ASAP3: variants seen among roughly 807,000 people sequenced by gnomAD.
ASAP3 encodes ArfGAP with SH3 domain, ankyrin repeat and PH domain 3.
Under a neutral mutation model 118.2 loss-of-function variants are expected in ASAP3, and 85 were observed. That is an observed-to-expected ratio of 0.72 (90% CI 0.60 to 0.86). The LOEUF (loss-of-function observed/expected upper bound fraction) is 0.86, where lower values mean the gene tolerates loss of function less well. ASAP3 is among the 40% of genes least tolerant of loss of function. ASAP3 has a pLI of 0.00. For synonymous variants in ASAP3, 432 were observed against 477.4 expected (o/e 0.90, Z 1.24); for missense variants, 1,026 against 1,175.0 (o/e 0.87, Z 1.85).
intron 1 of ASAP3, among the ~76,000 whole-genome samples, chr1:23,464,549 A>G (rs1015415727): frequency 2.7e-5 from 4 of 148,796 alleles, no homozygotes; most frequent in Non-Finnish European, 4.5e-5. Context: ...AGTCCCAGCT[A>G]TTTGGGAGGC....
intron 1 of ASAP3, among the ~76,000 whole-genome samples, chr1:23,456,640 A>C (rs960741788): frequency 2.0e-5 from 3 of 152,232 alleles, no homozygotes; most frequent in African/African-American, 7.2e-5. Context: ...ATTTGTAAAT[A>C]TGTACAAAAT....
intron 1 of ASAP3, among the ~76,000 whole-genome samples, chr1:23,473,873 C>T (rs528793491): frequency 6.6e-6 from 1 of 152,074 alleles, no homozygotes; most frequent in East Asian, 1.9e-4. Context: ...GCCCTAGCCA[C>T]ACCCTATGTC....
intron 17 of ASAP3, among the ~76,000 whole-genome samples, chr1:23,435,479 T>C (rs1640604292): frequency 6.6e-6 from 1 of 152,252 alleles, no homozygotes; most frequent in Admixed American, 6.5e-5. Context: ...CATGCCCTTA[T>C]ATTTCAGGGC....
intron 5 of ASAP3, among the ~76,000 whole-genome samples, chr1:23,449,645 T>C (rs1641154436): frequency 1.3e-5 from 2 of 152,202 alleles, no homozygotes; most frequent in South Asian, 4.1e-4. Flanking sequence ...GCTCAAACTA[T>C]GTGGCTCCAT....
intron 17 of ASAP3, among the ~76,000 whole-genome samples, chr1:23,435,368 G>A (rs577993836): frequency 6.6e-6 from 1 of 152,300 alleles, no homozygotes; most frequent in Non-Finnish European, 1.5e-5. Flanking sequence ...AGCAACTCCT[G>A]TTGATTTACT....
At chr1:23,430,769 CCAGGA>C (rs1302881800) in intron 24 of ASAP3, among the ~76,000 whole-genome samples, 8 of 152,124 alleles carry the variant, frequency 5.3e-5, no homozygotes, top group Non-Finnish European at 7.4e-5. Flanking sequence ...AAGAGGAGCA[CCAGGA>C]CAGGGACTGG....
Position 23,464,012 on chromosome 1 carries a change from A to G in ASAP3, c.130-7818T>C, listed in dbSNP as rs1641680061. ...GGTTTGTTTTCTGCCTCTGTGTGAG[A>G]TCAGCCCTCGTTTCCCATGAAACTG... On this transcript the variant is annotated intron_variant, in intron 1 of 24. Coordinates refer to ENST00000336689, the MANE Select transcript of ASAP3 (RefSeq NM_017707.4). Among the ~76,000 whole-genome samples, 4 of 152,070 alleles carry G rather than the reference A, an allele frequency of 2.6e-5. No individual in the cohort carries two copies. The South Asian group carries it at 8.3e-4, about 32-fold the overall frequency.
intron 1 of ASAP3, among the ~76,000 whole-genome samples, chr1:23,474,297 A>C (rs1570411153): frequency 6.6e-6 from 1 of 152,054 alleles, no homozygotes; most frequent in South Asian, 2.1e-4. Flanking sequence ...CGTGTTGCCA[A>C]AGCCAGAGGC....
intron 17 of ASAP3, among the ~76,000 whole-genome samples, chr1:23,435,219 G>A (rs1349909677): frequency 1.3e-5 from 2 of 152,094 alleles, no homozygotes; most frequent in Admixed American, 6.6e-5. Flanking sequence ...GTAGAGATGG[G>A]GGTTTCCTTA....
chr1:23,434,801 T>C (rs573766398), intron 17 of ASAP3, among the ~76,000 whole-genome samples, 183 bp from the exon 18 acceptor site: 2 of 152,230 alleles, frequency 1.3e-5, no homozygotes, highest in East Asian at 1.9e-4. Context: ...CATTCTCCCA[T>C]TGTTCCCATT....
rs751431631 is a variant in ASAP3, at chr1:23,433,439, C to T, written c.2113G>A (p.Asp705Asn). The change falls in exon 21 of 25, where the codon GAT becomes AAT. Residue 705 changes from aspartate (D) to asparagine (N), a missense_variant. Asp to Asn is a conservative substitution (Grantham distance 23). Transcript: ENST00000336689. ...CTGGGACCCACCTTCTCTTCCTCAT[C>T]CTCCTCACTGTCAGAGCCAGGCTCT... is the stretch of plus-strand genomic sequence containing the variant. ...STEPGSDSEE[D>N]EEEKRCLLKL... 5.6e-6 allele frequency: 9 copies of T among 1,614,186 alleles called. No homozygotes were observed. Among genetic ancestry groups the T allele is most frequent in the Non-Finnish European group, 7.6e-6 (9 of 1,180,036 alleles).
chr1:23,452,174 C>A (rs1641236816), intron 4 of ASAP3, among the ~76,000 whole-genome samples: 1 of 152,164 alleles, frequency 6.6e-6, no homozygotes, highest in African/African-American at 2.4e-5. Flanking sequence ...CGCTGGCAGC[C>A]TAGGGCAGGG....
chr1:23,442,930 A>G (rs1035726804), intron 5 of ASAP3, among the ~76,000 whole-genome samples: 11 of 152,210 alleles, frequency 7.2e-5, no homozygotes, highest in African/African-American at 2.7e-4. Flanking sequence ...CTGCTGGGCA[A>G]GAGGGATGGA....
chr1:23,455,149 C>T (rs4649090), intron 3 of ASAP3, among the ~76,000 whole-genome samples: 80,951 of 152,100 alleles, frequency 0.53, 25,273 homozygotes, highest in Non-Finnish European at 0.68. Context: ...CGTGTGACCT[C>T]GGGCAAGCTG....
chr1:23,448,624 G>A (rs1305295073), intron 5 of ASAP3, among the ~76,000 whole-genome samples: 1 of 151,318 alleles, frequency 6.6e-6, no homozygotes, highest in Non-Finnish European at 1.5e-5. Context: ...TATTATATAT[G>A]TATTATTATT....
intron 1 of ASAP3, among the ~76,000 whole-genome samples, chr1:23,464,347 C>T (rs550503878): frequency 2.0e-5 from 3 of 151,656 alleles, no homozygotes; most frequent in Admixed American, 6.6e-5. Context: ...CCACCATGCC[C>T]GGCTAATTTT....
intron 3 of ASAP3, among the ~76,000 whole-genome samples, chr1:23,454,673 C>T (rs1641329201): frequency 6.6e-6 from 1 of 152,162 alleles, no homozygotes; most frequent in Non-Finnish European, 1.5e-5. Flanking sequence ...CACAGCTATG[C>T]CAAGAGCTAT....
chr1:23,450,681 AT>A (rs1471666735), intron 5 of ASAP3, among the ~76,000 whole-genome samples: 1 of 151,884 alleles, frequency 6.6e-6, no homozygotes, highest in Non-Finnish European at 1.5e-5. Flanking sequence ...AGGATGATTA[AT>A]TTTTTTTCTT....
At position 23,477,396 on chromosome 1, in the gene ASAP3, AAAG is replaced by A. The variant is rs1394153989; in HGVS notation, c.129+6606_129+6608del. On this transcript the variant is annotated intron_variant, in intron 1 of 24. Transcript: ENST00000336689. ...CATCTCAAAAAAAAAAAAAAAAAAA[AAAG>A]AAGATGTTCCTTGGTGATGAGGGGC... 6.2e-4 allele frequency among the ~76,000 whole-genome samples: 94 copies of A among 150,850 alleles called. No individual in the cohort carries two copies. The East Asian group carries it at 0.014, about 23-fold the overall frequency.
Sources: allele counts gnomAD v4.1 joint callset (sites outside exome capture counted in the v4.1 genomes callset), GRCh38; gene constraint gnomAD v4.1.1; transcripts MANE v1.5; gene names NCBI Gene and HGNC (gene_info 2026-07-23, HGNC 2026-07-21).